CMIP: variants seen among roughly 807,000 people sequenced by gnomAD.
The protein encoded by CMIP is c-Maf inducing protein, also known as C-Maf-inducing protein.
A neutral mutation model predicts 97.3 loss-of-function variants in CMIP; 13 were observed. The ratio of observed to expected loss-of-function variants is 0.13; its 90% CI spans 0.09 to 0.21. The LOEUF (loss-of-function observed/expected upper bound fraction) is 0.21, where lower values mean the gene tolerates loss of function less well. CMIP is among the 10% of genes least tolerant of loss of function. The pLI is 1.00. For synonymous variants in CMIP, 538 were observed against 436.3 expected (o/e 1.23, Z -2.91); for missense variants, 847 against 1,024.9 (o/e 0.83, Z 2.37).
chr16:81,542,164 T>C (rs1292193219), intron 1 of CMIP, among the ~76,000 whole-genome samples: 1 of 152,296 alleles, frequency 6.6e-6, no homozygotes, highest in Admixed American at 6.5e-5. Context: ...AGAGGCAGAC[T>C]TGCTGGGTGT....
At chr16:81,645,418 G>A in intron 3 of CMIP, 1 of 1,485,424 alleles carries the variant, frequency 6.7e-7, no homozygotes, top group Non-Finnish European at 9.0e-7. Context: ...AGCAGCCCCT[G>A]CCTGGCGCGA....
intron 3 of CMIP, among the ~76,000 whole-genome samples, chr16:81,649,514 G>C (rs1407106000): frequency 2.0e-5 from 3 of 152,240 alleles, no homozygotes; most frequent in Non-Finnish European, 4.4e-5. Flanking sequence ...TATTTTGCAA[G>C]TTTAAATGAG....
At chr16:81,543,378 C>A (rs1049568036) in intron 1 of CMIP, among the ~76,000 whole-genome samples, 37 of 152,158 alleles carry the variant, frequency 2.4e-4, no homozygotes, top group African/African-American at 8.7e-4. Context: ...CATACCCACC[C>A]CTGTAGCTGG....
At chr16:81,648,173 T>A (rs904042169) in intron 3 of CMIP, among the ~76,000 whole-genome samples, 1 of 126,970 alleles carries the variant, frequency 7.9e-6, no homozygotes, top group African/African-American at 2.7e-5. Context: ...GCAAATCTGA[T>A]ATCCTCTTCA....
At chr16:81,507,681 AGT>A (rs372320557) in intron 1 of CMIP, among the ~76,000 whole-genome samples, 81 of 152,352 alleles carry the variant, frequency 5.3e-4, no homozygotes, top group African/African-American at 1.9e-3. Flanking sequence ...TTGCTGTTAA[AGT>A]GTGCACAGAT....
intron 1 of CMIP, among the ~76,000 whole-genome samples, chr16:81,457,146 C>A (rs866451444): frequency 5.9e-5 from 9 of 151,888 alleles, no homozygotes; most frequent in African/African-American, 2.2e-4. Flanking sequence ...TTGGCACACG[C>A]CTCTTCTTTC....
chr16:81,706,540 G>A (rs1473284903), intron 19 of CMIP, among the ~76,000 whole-genome samples: 4 of 152,328 alleles, frequency 2.6e-5, no homozygotes, highest in Admixed American at 2.0e-4. Flanking sequence ...TCCCTGCTGC[G>A]GCCCTGCTCA....
rs114619721 is a variant in CMIP at position 81,661,454 on chromosome 16, C to T, written c.744+508C>T. ...CAGGGCACATCTTTGTGGCTCAGGCCGAACCATCACACAAACCTGTTTTGT... is the reference window on the plus strand; with the variant it reads ...CAGGGCACATCTTTGTGGCTCAGGCTGAACCATCACACAAACCTGTTTTGT... On this transcript the variant is annotated intron_variant, in intron 6 of 20. Coordinates refer to ENST00000537098, the MANE Select transcript of CMIP (RefSeq NM_198390.3). Among the ~76,000 whole-genome samples the T allele has an allele frequency of 9.7e-3, 1,471 of 152,310 alleles. 27 individuals carry two copies. Among genetic ancestry groups the T allele is most frequent in the African/African-American group, 0.034 (1,410 of 41,566 alleles).
At chr16:81,596,800 A>G (rs2091564964) in intron 1 of CMIP, among the ~76,000 whole-genome samples, 1 of 152,154 alleles carries the variant, frequency 6.6e-6, no homozygotes, top group African/African-American at 2.4e-5. Context: ...TCCTAGGCAT[A>G]CCAGACAATT....
chr16:81,693,301 C>G (rs1567667105), intron 12 of CMIP, 117 bp downstream of exon 12: 2 of 1,406,836 alleles, frequency 1.4e-6, no homozygotes, highest in South Asian at 2.4e-5. Flanking sequence ...TGGCAGTTCT[C>G]TTGAGACACG....
chr16:81,589,819 A>G (rs1481222678), intron 1 of CMIP, among the ~76,000 whole-genome samples: 2 of 152,276 alleles, frequency 1.3e-5, no homozygotes, highest in Admixed American at 1.3e-4. Context: ...TGTCATGGAC[A>G]TAGCGGGTAA....
chr16:81,530,556 C>T (rs917858185), intron 1 of CMIP, among the ~76,000 whole-genome samples: 1 of 152,088 alleles, frequency 6.6e-6, no homozygotes. Flanking sequence ...GCAGTTCACT[C>T]GAGTCTCTTG....
At chr16:81,502,611 G>C (rs2089633910) in intron 1 of CMIP, among the ~76,000 whole-genome samples, 1 of 152,226 alleles carries the variant, frequency 6.6e-6, no homozygotes, top group African/African-American at 2.4e-5. Flanking sequence ...TCAGACAAAA[G>C]AAGACAGCCA....
chr16:81,691,305 G>A (rs189064817), intron 10 of CMIP, among the ~76,000 whole-genome samples: 4 of 152,296 alleles, frequency 2.6e-5, no homozygotes, highest in East Asian at 3.9e-4. Context: ...CTGCGTGTCC[G>A]TGTTTCCTCT....
chr16:81,630,227 ACATT>A (rs1380168322), intron 3 of CMIP: 2 of 152,240 alleles, frequency 1.3e-5, no homozygotes, highest in Non-Finnish European at 2.9e-5. Context: ...CCCACTCAGA[ACATT>A]CATTCTTCTT....
chr16:81,688,801 C>T (rs960091112), intron 10 of CMIP, among the ~76,000 whole-genome samples: 9 of 152,140 alleles, frequency 5.9e-5, no homozygotes, highest in African/African-American at 2.2e-4. Flanking sequence ...AATGCTATCC[C>T]TCCCTCCTCC....
rs1906332770 is a variant in CMIP, at chr16:81,453,058, A to G, written c.300+7517A>G. ...AGGATCCTAGGATCTAGAACACACT[A>G]GTGCTCTGATTCACCTCTGGTTTTG... On this transcript the variant is annotated intron_variant, in intron 1 of 20. Coordinates refer to ENST00000537098, the MANE Select transcript of CMIP (RefSeq NM_198390.3). This position sits in a 1 kb window ranked among gnomAD's most constrained non-coding sequence, Gnocchi z 4.0. Among the ~76,000 whole-genome samples, 1 of 151,944 alleles carries G rather than the reference A, an allele frequency of 6.6e-6. No homozygotes were observed. Among genetic ancestry groups the G allele is most frequent in the South Asian group, 2.1e-4 (1 of 4,816 alleles).
chr16:81,514,001 TGTG>T (rs1337169213), intron 1 of CMIP, among the ~76,000 whole-genome samples: 1 of 151,538 alleles, frequency 6.6e-6, no homozygotes, highest in African/African-American at 2.4e-5. Flanking sequence ...GGGTTTCCGT[TGTG>T]GTTGCTGCTG....
intron 3 of CMIP, chr16:81,622,203 A>C (rs2092001379): frequency 6.6e-6 from 1 of 152,120 alleles, no homozygotes; most frequent in Non-Finnish European, 1.5e-5. Context: ...CATCGTTAGG[A>C]AGGGGCTGAG....
Sources: gnomAD v4.1 joint callset for allele counts (sites outside exome capture counted in the v4.1 genomes callset) on GRCh38, gnomAD v4.1.1 for gene constraint, Gnocchi (gnomAD v3.1) non-coding constraint, MANE v1.5 for transcripts, NCBI Gene and HGNC (gene_info 2026-07-23, HGNC 2026-07-21) for gene names.